Variants in SLC24A4 observed in about 807,000 individuals in gnomAD.
The protein encoded by SLC24A4 is sodium/potassium/calcium exchanger 4.
A neutral mutation model predicts 79.0 loss-of-function variants in SLC24A4; 53 were observed. The ratio of observed to expected loss-of-function variants is 0.67; its 90% CI spans 0.54 to 0.84. The LOEUF (loss-of-function observed/expected upper bound fraction) is 0.84. Ranked by LOEUF, SLC24A4 falls within the 40% of genes least tolerant of loss-of-function variation. The pLI is 0.00. For missense variants in SLC24A4, 731 were observed against 822.0 expected (o/e 0.89, Z 1.35); for synonymous variants, 323 against 323.8 (o/e 1.00, Z 0.03).
chr14:92,343,637 T>TCTTTCC (rs1566700032), intron 2 of SLC24A4, among the ~76,000 whole-genome samples: 5 of 81,466 alleles, frequency 6.1e-5, no homozygotes, highest in Admixed American at 1.3e-4. Flanking sequence ...TCTTTCTTTC[T>TCTTTCC]TTCTCTCTTT....
intron 2 of SLC24A4, among the ~76,000 whole-genome samples, chr14:92,389,494 G>A (rs578128206): frequency 6.6e-6 from 1 of 152,294 alleles, no homozygotes; most frequent in Admixed American, 6.5e-5. Context: ...GCCTGGGCCA[G>A]GGTGCAGCCC....
chr14:92,474,784 T>C (rs1294123351), intron 12 of SLC24A4, among the ~76,000 whole-genome samples: 3 of 82,442 alleles, frequency 3.6e-5, no homozygotes, highest in African/African-American at 1.2e-4. Context: ...TGTATATATA[T>C]GTGTGTGTGT....
intron 2 of SLC24A4, among the ~76,000 whole-genome samples, chr14:92,336,830 G>T (rs1008803977): frequency 2.0e-5 from 3 of 152,144 alleles, no homozygotes; most frequent in Admixed American, 6.5e-5. Context: ...GGCCTCAAAG[G>T]GTAGGTGGAG....
chr14:92,460,555 T>G (rs1466662833), intron 12 of SLC24A4, among the ~76,000 whole-genome samples: 2 of 152,330 alleles, frequency 1.3e-5, no homozygotes, highest in East Asian at 1.9e-4. Flanking sequence ...GCACCTGTTA[T>G]GTGCCAGGTC....
intron 2 of SLC24A4, among the ~76,000 whole-genome samples, chr14:92,326,552 A>G (rs1428585908): frequency 6.6e-6 from 1 of 152,194 alleles, no homozygotes; most frequent in Non-Finnish European, 1.5e-5. Flanking sequence ...GGTTTGAGGC[A>G]GTAGAGACCC....
intron 13 of SLC24A4, among the ~76,000 whole-genome samples, chr14:92,485,588 G>A (rs147921150): frequency 9.2e-5 from 14 of 152,122 alleles, no homozygotes; most frequent in African/African-American, 4.8e-5. Flanking sequence ...AAAATTAAAG[G>A]CCAGTTCATC....
intron 12 of SLC24A4, among the ~76,000 whole-genome samples, chr14:92,470,930 C>G (rs1894409097): frequency 6.6e-6 from 1 of 152,228 alleles, no homozygotes; most frequent in Non-Finnish European, 1.5e-5. Flanking sequence ...GAGGAAACAA[C>G]AAGACACCAT....
intron 12 of SLC24A4, among the ~76,000 whole-genome samples, chr14:92,470,424 G>A (rs780967321): frequency 2.0e-5 from 3 of 152,124 alleles, no homozygotes; most frequent in Non-Finnish European, 4.4e-5. Flanking sequence ...TTCATTCACT[G>A]TCCACATTAA....
At chr14:92,383,212 T>C (rs527490961) in intron 2 of SLC24A4, among the ~76,000 whole-genome samples, 101 of 152,308 alleles carry the variant, frequency 6.6e-4, no homozygotes, top group African/African-American at 2.3e-3. Flanking sequence ...CTGATGTTTA[T>C]TCAAGTCTAG....
At chr14:92,386,555 C>T (rs559944023) in intron 2 of SLC24A4, among the ~76,000 whole-genome samples, 1 of 152,316 alleles carries the variant, frequency 6.6e-6, no homozygotes, top group African/African-American at 2.4e-5. Context: ...GTGCCTGACA[C>T]ATGATAAGTT....
chr14:92,499,013 C>T lies in SLC24A4; in HGVS notation c.*5385C>T, dbSNP rs1896039235. 6.6e-6 allele frequency: 1 copy of T among 152,164 alleles called. No homozygotes were observed. The allele number at this position is 152,164 out of a possible 1,614,324, so 9.4% of individuals were successfully genotyped here. A position where few individuals can be genotyped will look rare whatever the true frequency, so the allele number is the denominator to read the frequency against. ...TGCAACCAGGGTGGAGCTATCTTTCCAGGGAAGCCAGCTGAGAGGTTTTAG... is the reference window on the plus strand; with the variant it reads ...TGCAACCAGGGTGGAGCTATCTTTCTAGGGAAGCCAGCTGAGAGGTTTTAG... On this transcript the variant is annotated 3_prime_UTR_variant, in exon 17 of 17. Coordinates refer to ENST00000532405, the MANE Select transcript of SLC24A4 (RefSeq NM_153646.4).
chr14:92,380,775 G>T (rs1888799223), intron 2 of SLC24A4, among the ~76,000 whole-genome samples: 1 of 152,236 alleles, frequency 6.6e-6, no homozygotes, highest in South Asian at 2.1e-4. Flanking sequence ...GTGCCAGGCT[G>T]CGTGGGGAGG....
intron 2 of SLC24A4, among the ~76,000 whole-genome samples, chr14:92,335,721 A>G (rs1320705278): frequency 5.3e-5 from 8 of 152,184 alleles, no homozygotes; most frequent in Non-Finnish European, 8.8e-5. Context: ...ATGGTATCGT[A>G]CAGAATAGTT....
In SLC24A4 at chr14:92,486,655, A is replaced by G. The variant is rs780650224; in HGVS notation, c.1423-11A>G. ...GGTTGAGAGTTCATGTCTCCACCCC[A>G]CATTCTGCAGGTGACTATTATCGGA... On this transcript the variant is annotated splice_polypyrimidine_tract_variant and intron_variant, in intron 13 of 16. Transcript: ENST00000532405. 1.3e-6 allele frequency: 2 copies of G among 1,582,142 alleles called. No individual in the cohort carries two copies. Among genetic ancestry groups the G allele is most frequent in the Admixed American group, 1.7e-5 (1 of 59,968 alleles).
At chr14:92,443,248 C>T (rs1892603160) in intron 6 of SLC24A4, 152 bp from the exon 7 acceptor site, 1 of 717,006 alleles carries the variant, frequency 1.4e-6, no homozygotes, top group Non-Finnish European at 2.4e-6. Flanking sequence ...TCATTCTGTT[C>T]CCCAAATTAT....
intron 2 of SLC24A4, among the ~76,000 whole-genome samples, chr14:92,381,146 G>A (rs1285840436): frequency 6.6e-6 from 1 of 152,174 alleles, no homozygotes; most frequent in Non-Finnish European, 1.5e-5. Context: ...GTTTATTGCA[G>A]CACTATTTAC....
intron 14 of SLC24A4, among the ~76,000 whole-genome samples, chr14:92,491,291 G>A (rs1308618666): frequency 6.6e-6 from 1 of 152,110 alleles, no homozygotes; most frequent in African/African-American, 2.4e-5. Context: ...TGATATTATT[G>A]GTTACTGAAC....
chr14:92,422,718 T>C (rs1891352592), intron 2 of SLC24A4, among the ~76,000 whole-genome samples: 1 of 152,378 alleles, frequency 6.6e-6, no homozygotes, highest in Admixed American at 6.5e-5. Context: ...ATGCCTGTCC[T>C]TTTGATAAAC....
intron 12 of SLC24A4, among the ~76,000 whole-genome samples, chr14:92,464,350 A>G (rs1893976293): frequency 2.0e-5 from 3 of 151,886 alleles, no homozygotes; most frequent in Admixed American, 6.6e-5. Context: ...CTGGAAATCC[A>G]CTCTGTGCCA....
Sources: gnomAD v4.1 joint callset for allele counts (sites outside exome capture counted in the v4.1 genomes callset) on GRCh38, gnomAD v4.1.1 for gene constraint, MANE v1.5 for transcripts, NCBI Gene and HGNC (gene_info 2026-07-23, HGNC 2026-07-21) for gene names.